PRKG1: variants seen among roughly 807,000 people sequenced by gnomAD.
PRKG1 encodes cGMP-dependent protein kinase 1.
A neutral mutation model predicts 88.1 loss-of-function variants in PRKG1; 35 were observed. The ratio of observed to expected loss-of-function variants is 0.40; its 90% CI spans 0.30 to 0.53. The LOEUF is 0.53. Ranked by LOEUF, PRKG1 falls within the 20% of genes least tolerant of loss-of-function variation. The pLI is 0.59. For synonymous variants in PRKG1, 303 were observed against 292.5 expected, an observed-to-expected ratio of 1.04 and a Z score of -0.37; for missense variants, 540 against 839.8, an observed-to-expected ratio of 0.64 and a Z score of 4.41.
intron 3 of PRKG1, among the ~76,000 whole-genome samples, chr10:51,782,689 A>G (rs959647719): frequency 5.3e-5 from 8 of 152,212 alleles, no homozygotes; most frequent in African/African-American, 1.9e-4. Flanking sequence ...ATGGTAGTGA[A>G]TAAGTCTCAC....
intron 2 of PRKG1, among the ~76,000 whole-genome samples, chr10:51,168,402 T>G (rs1218911958): frequency 6.6e-6 from 1 of 152,160 alleles, no homozygotes; most frequent in African/African-American, 2.4e-5. Flanking sequence ...AAAAATGTAG[T>G]TAATTTTAAT....
upstream of PRKG1, among the ~76,000 whole-genome samples, chr10:51,070,446 C>G (rs72791150): frequency 1.8e-4 from 27 of 152,210 alleles, no homozygotes; most frequent in Non-Finnish European, 3.1e-4. Context: ...AAGCTTCTGT[C>G]TCCTGAAAGG....
intron 3 of PRKG1, among the ~76,000 whole-genome samples, chr10:51,721,771 G>A (rs1310444691): frequency 6.6e-6 from 1 of 152,096 alleles, no homozygotes; most frequent in African/African-American, 2.4e-5. Flanking sequence ...TGTGTGAAAT[G>A]GCAACTCTAA....
intron 2 of PRKG1, among the ~76,000 whole-genome samples, chr10:51,209,928 G>A (rs1180453786): frequency 8.5e-5 from 13 of 152,086 alleles, no homozygotes; most frequent in Admixed American, 8.5e-4. Context: ...TTGCTTGAGA[G>A]CAGTGGAAGT....
At chr10:51,304,653 TCC>T (rs1157631791) in intron 2 of PRKG1, among the ~76,000 whole-genome samples, 1 of 105,762 alleles carries the variant, frequency 9.5e-6, no homozygotes, top group Non-Finnish European at 1.8e-5. Context: ...CCCACAACAG[TCC>T]CCAGAGTGTG....
intron 3 of PRKG1, among the ~76,000 whole-genome samples, chr10:51,577,921 G>C (rs1293034494): frequency 3.3e-5 from 5 of 151,950 alleles, no homozygotes; most frequent in African/African-American, 1.2e-4. Flanking sequence ...TTTAAACTTT[G>C]GTTCAGTAAC....
chr10:50,993,992 A>G (rs752514719), intron 1 of PRKG1, among the ~76,000 whole-genome samples: 88 of 152,150 alleles, frequency 5.8e-4, no homozygotes, highest in Non-Finnish European at 1.1e-3. Flanking sequence ...GTCAGTGCAT[A>G]TTTGTGTCTA....
intron 6 of PRKG1, 96 bp from the exon 7 acceptor site, chr10:52,062,436 TAAGAA>T (rs1268146410): frequency 1.5e-6 from 1 of 684,866 alleles, no homozygotes; most frequent in East Asian, 3.2e-5. Context: ...TTTATAAAAA[TAAGAA>T]AAGAAACAAG....
At chr10:51,628,854 G>A (rs1036972175) in intron 3 of PRKG1, among the ~76,000 whole-genome samples, 2 of 151,736 alleles carry the variant, frequency 1.3e-5, no homozygotes, top group South Asian at 2.1e-4. Context: ...AGCTACTCGG[G>A]AGGCTGAGGC....
intron 2 of PRKG1, among the ~76,000 whole-genome samples, chr10:51,362,887 T>C (rs1012148874): frequency 1.3e-5 from 2 of 151,940 alleles, no homozygotes; most frequent in Non-Finnish European, 2.9e-5. Flanking sequence ...TGTTTGGTTT[T>C]CTGTTCCTGT....
At chr10:51,172,259 C>T (rs1031192629) in intron 2 of PRKG1, among the ~76,000 whole-genome samples, 8 of 151,892 alleles carry the variant, frequency 5.3e-5, no homozygotes, top group African/African-American at 1.7e-4. Context: ...CTGCTGTCTT[C>T]GTAGTACTAT....
chr10:51,675,900 C>T (rs73341681), intron 3 of PRKG1, among the ~76,000 whole-genome samples: 8,310 of 152,036 alleles, frequency 0.055, 276 homozygotes, highest in Middle Eastern at 0.11. Flanking sequence ...CCAGTCAAGC[C>T]TTGTTGGACT....
intron 3 of PRKG1, among the ~76,000 whole-genome samples, chr10:51,521,263 C>G (rs1423018303): frequency 6.6e-6 from 1 of 152,176 alleles, no homozygotes; most frequent in East Asian, 1.9e-4. Flanking sequence ...AGTTTCCAGT[C>G]TGGGTGACAG....
chr10:51,960,537 T>G (rs1157131440), intron 5 of PRKG1, among the ~76,000 whole-genome samples: 1 of 151,890 alleles, frequency 6.6e-6, no homozygotes, highest in Non-Finnish European at 1.5e-5. Context: ...CCGTTTTCTA[T>G]TTTTTCTGTT....
At chr10:51,085,506 G>A (rs1210564285) in intron 1 of PRKG1, among the ~76,000 whole-genome samples, 1 of 152,090 alleles carries the variant, frequency 6.6e-6, no homozygotes, top group African/African-American at 2.4e-5. Flanking sequence ...GTGAATCATA[G>A]TCTTCATTCT....
chr10:52,245,415 C>T (rs1027844561), intron 9 of PRKG1, among the ~76,000 whole-genome samples: 2 of 152,008 alleles, frequency 1.3e-5, no homozygotes, highest in Non-Finnish European at 2.9e-5. Flanking sequence ...TTGAAGAAAT[C>T]AGAGTTGGAA....
chr10:51,057,850 G>C (rs1487853533), intron 1 of PRKG1, among the ~76,000 whole-genome samples: 2 of 152,058 alleles, frequency 1.3e-5, no homozygotes, highest in Non-Finnish European at 2.9e-5. Context: ...GGTGATAATA[G>C]GTATGTATTT....
intron 3 of PRKG1, among the ~76,000 whole-genome samples, chr10:51,801,379 A>G (rs1219927116): frequency 6.6e-6 from 1 of 152,134 alleles, no homozygotes; most frequent in African/African-American, 2.4e-5. Context: ...ATTTAAAAAT[A>G]CAAAACCCAT....
chr10:51,640,522 A>T, intron 3 of PRKG1, among the ~76,000 whole-genome samples: 1 of 152,234 alleles, frequency 6.6e-6, no homozygotes, highest in East Asian at 1.9e-4. Flanking sequence ...TGTATAAAGG[A>T]TTGACCAACA....
Sources: allele counts gnomAD v4.1 joint callset (sites outside exome capture counted in the v4.1 genomes callset), GRCh38; gene constraint gnomAD v4.1.1; transcripts MANE v1.5; gene names NCBI Gene and HGNC (gene_info 2026-07-23, HGNC 2026-07-21).